TBC1D14: variants seen among roughly 807,000 people sequenced by gnomAD.
The protein encoded by TBC1D14 is TBC1 domain family, member 14.
Under a neutral mutation model 79.0 loss-of-function variants are expected in TBC1D14, and 26 were observed. The ratio of observed to expected loss-of-function variants is 0.33; its 90% CI spans 0.24 to 0.46. The LOEUF (loss-of-function observed/expected upper bound fraction) is 0.46, where lower values mean the gene tolerates loss of function less well. Ranked by LOEUF, TBC1D14 falls within the 20% of genes least tolerant of loss-of-function variation. The probability of loss-of-function intolerance (pLI) is 1.00; values close to 1 mark genes in which losing one functional copy is unlikely to be tolerated. For synonymous variants in TBC1D14, 394 were observed against 349.9 expected (o/e 1.13, Z -1.40); for missense variants, 769 against 887.6 (o/e 0.87, Z 1.70).
intron 2 of TBC1D14, among the ~76,000 whole-genome samples, chr4:6,941,243 T>C (rs1449762650): frequency 7.1e-6 from 1 of 140,828 alleles, no homozygotes; most frequent in Non-Finnish European, 1.5e-5. Flanking sequence ...TGGAGTGCAA[T>C]GGCATGATCT....
At chr4:6,990,664 C>G (rs1408369298) in intron 3 of TBC1D14, among the ~76,000 whole-genome samples, 5 of 152,146 alleles carry the variant, frequency 3.3e-5, no homozygotes, top group Non-Finnish European at 7.3e-5. Flanking sequence ...CCAGTACTTG[C>G]CTGGCACACA....
At chr4:6,947,433 G>A (rs1713584185) in intron 2 of TBC1D14, among the ~76,000 whole-genome samples, 1 of 151,596 alleles carries the variant, frequency 6.6e-6, no homozygotes, top group South Asian at 2.1e-4. Flanking sequence ...GGGAGGTGGA[G>A]CTTGCAGTGA....
At chr4:6,977,189 T>C (rs1456347260) in intron 3 of TBC1D14, among the ~76,000 whole-genome samples, 1 of 137,228 alleles carries the variant, frequency 7.3e-6, no homozygotes, top group Non-Finnish European at 1.6e-5. Context: ...TGGACTGTAC[T>C]GCTGCCATCT....
intron 2 of TBC1D14, among the ~76,000 whole-genome samples, chr4:6,933,537 C>G (rs554549997): frequency 8.7e-4 from 132 of 151,956 alleles, no homozygotes; most frequent in African/African-American, 3.0e-3. Context: ...AACTCCTAGC[C>G]TCAAGTGATC....
In TBC1D14 at chr4:7,030,255, T is replaced by C. The variant is rs141123929; in HGVS notation, c.2017-72T>C. ...GGACCCTGTTAGGAGGCTACTGCTG[T>C]CTCTGCTTCGCTGCTGTCAGGATCT... On this transcript the variant is annotated intron_variant, in intron 13 of 13. Coordinates refer to ENST00000409757, the MANE Select transcript of TBC1D14 (RefSeq NM_020773.3). 4.6e-4 allele frequency: 677 copies of C among 1,486,708 alleles called. 1 individual carries two copies. The African/African-American group carries it at 8.5e-3, about 19-fold the overall frequency. 92.1% of individuals were successfully genotyped at this position (1,486,708 alleles called of 1,614,324 possible). A position where few individuals can be genotyped will look rare whatever the true frequency, so the allele number is the denominator to read the frequency against.
intron 12 of TBC1D14, among the ~76,000 whole-genome samples, chr4:7,019,311 C>T (rs927580884): frequency 9.2e-5 from 14 of 152,294 alleles, no homozygotes; most frequent in East Asian, 3.9e-4. Flanking sequence ...TGAGCAACCG[C>T]GCCCAGCTCG....
In TBC1D14 at chr4:6,984,268, T is replaced by G. The variant is rs186617702; in HGVS notation, c.844-9916T>G. ...TCCTCTGCAGAGGTAGTGCTCACATTGCCTATGCTCGTGAGGGTGAAGTAC... is the reference window on the plus strand; with the variant it reads ...TCCTCTGCAGAGGTAGTGCTCACATGGCCTATGCTCGTGAGGGTGAAGTAC... On this transcript the variant is annotated intron_variant, in intron 3 of 13. Transcript: ENST00000409757. Among the ~76,000 whole-genome samples, 5 of 152,284 alleles carry G rather than the reference T, an allele frequency of 3.3e-5. No homozygotes were observed. The East Asian group carries it at 9.6e-4, about 29-fold the overall frequency.
intron 2 of TBC1D14, among the ~76,000 whole-genome samples, chr4:6,955,161 T>A (rs1714507450): frequency 6.6e-6 from 1 of 152,254 alleles, no homozygotes; most frequent in African/African-American, 2.4e-5. Context: ...TTCAGAGGGC[T>A]GGCCCTTTTC....
At chr4:6,976,490 C>T (rs1175759850) in intron 3 of TBC1D14, among the ~76,000 whole-genome samples, 3 of 152,164 alleles carry the variant, frequency 2.0e-5, no homozygotes, top group African/African-American at 7.2e-5. Context: ...TCATCAGAAA[C>T]CGTGGAGGCC....
rs1405961682 is a variant in TBC1D14, at chr4:6,954,363, C to T, written c.723-12941C>T. 3 of 717,404 alleles carry T rather than the reference C, an allele frequency of 4.2e-6. No homozygotes were observed. In the African/African-American group the frequency reaches 5.2e-5, roughly 13 times the overall value. The allele number at this position is 717,404 out of a possible 1,614,324, so 44.4% of individuals were successfully genotyped here. ...GGTTTGTGGCTGCTTTCTTGCCTTT[C>T]TTGCTGTTGGAACTGGAGACTTAAC... On this transcript the variant is annotated intron_variant, in intron 2 of 13. Transcript: ENST00000409757.
Position 6,964,622 on chromosome 4 carries a change from C to A in TBC1D14, c.723-2682C>A, listed in dbSNP as rs538435360. ...ACAATTCAAAGTTCATTTTCTTTTT[C>A]TTTCTTTTTTTGAAACAAGGTCTTG... On this transcript the variant is annotated intron_variant, in intron 2 of 13. Coordinates refer to ENST00000409757, the MANE Select transcript of TBC1D14 (RefSeq NM_020773.3). 5.9e-5 allele frequency among the ~76,000 whole-genome samples: 9 copies of A among 152,224 alleles called. No individual in the cohort carries two copies. In the South Asian group the frequency reaches 1.9e-3, roughly 32 times the overall value.
At chr4:7,001,913 C>T (rs1719714070) in intron 7 of TBC1D14, among the ~76,000 whole-genome samples, 1 of 152,172 alleles carries the variant, frequency 6.6e-6, no homozygotes, top group African/African-American at 2.4e-5. Context: ...TCACTTCTGC[C>T]TCCCTGCCTG....
chr4:6,993,889 A>G (rs1271812509), intron 3 of TBC1D14, among the ~76,000 whole-genome samples: 1 of 152,134 alleles, frequency 6.6e-6, no homozygotes, highest in African/African-American at 2.4e-5. Context: ...GAGTGCCTCT[A>G]TTTCCAGCTA....
At position 6,968,792 on chromosome 4, in the gene TBC1D14, TTTACG is replaced by T. The variant is rs377605759; in HGVS notation, c.843+1370_843+1374del. Reference sequence around the variant, plus strand: ...AAGGCTTTGCAGAGCCTCTGAGTGTTTTACGTAGGTAAGGAGTGATGGCATCACCC... The same window carrying T: ...AAGGCTTTGCAGAGCCTCTGAGTGTTTAGGTAAGGAGTGATGGCATCACCC... On this transcript the variant is annotated intron_variant, in intron 3 of 13. Coordinates refer to ENST00000409757, the MANE Select transcript of TBC1D14 (RefSeq NM_020773.3). Among the ~76,000 whole-genome samples, 632 of 152,324 alleles carry T rather than the reference TTTACG, an allele frequency of 4.1e-3. 4 individuals carry two copies. The highest frequency in any genetic ancestry group is 0.014 in the African/African-American group (579 of 41,560).
At chr4:6,975,459 C>G (rs1168569390) in intron 3 of TBC1D14, among the ~76,000 whole-genome samples, 1 of 152,154 alleles carries the variant, frequency 6.6e-6, no homozygotes, top group Non-Finnish European at 1.5e-5. Context: ...ATCTGCCTGC[C>G]TCAGCCTCCC....
chr4:6,923,340 C>A, intron 1 of TBC1D14, 33 bp from the exon 2 acceptor site: 2 of 1,551,458 alleles, frequency 1.3e-6, no homozygotes, highest in South Asian at 1.2e-5. Context: ...AATTTTATAT[C>A]CACTTTAATT....
chr4:6,991,790 C>A (rs747911183), intron 3 of TBC1D14, among the ~76,000 whole-genome samples: 1 of 152,132 alleles, frequency 6.6e-6, no homozygotes, highest in Non-Finnish European at 1.5e-5. Context: ...AGTGTGCACG[C>A]GTAAAGCACT....
At chr4:6,921,693 ATT>A (rs35634049) in intron 1 of TBC1D14, among the ~76,000 whole-genome samples, 6,041 of 92,058 alleles carry the variant, frequency 0.066, 158 homozygotes, top group African/African-American at 0.11. Flanking sequence ...CACCTGGCTA[ATT>A]TTTTTTTTTT....
Position 7,032,356 on chromosome 4 carries a change from GTTCC to G in TBC1D14, c.*1967_*1970del, listed in dbSNP as rs1723139731. 6.6e-6 allele frequency: 1 copy of G among 152,656 alleles called. No individual in the cohort carries two copies. The allele number at this position is 152,656 out of a possible 1,614,324, so 9.5% of individuals were successfully genotyped here. ...ATATTTTCTTACTGTACATAAAGAT[GTTCC>G]TTAAGTCGTACAGAAGGTGGCGCGG... On this transcript the variant is annotated 3_prime_UTR_variant, in exon 14 of 14. Coordinates refer to ENST00000409757, the MANE Select transcript of TBC1D14 (RefSeq NM_020773.3).
Sources: allele counts gnomAD v4.1 joint callset (sites outside exome capture counted in the v4.1 genomes callset), GRCh38; gene constraint gnomAD v4.1.1; transcripts MANE v1.5; gene names NCBI Gene and HGNC (gene_info 2026-07-23, HGNC 2026-07-21).